The following TEX9 variants were observed in gnomAD, a reference collection of about 807,000 sequenced individuals.
The protein encoded by TEX9 is testis-expressed protein 9.
A neutral mutation model predicts 59.6 loss-of-function variants in TEX9; 74 were observed. The ratio of observed to expected loss-of-function variants is 1.24; its 90% CI spans 1.03 to 1.51. TEX9 has a LOEUF of 1.51. Among genes scored for constraint, TEX9 ranks in the 40% most tolerant of loss-of-function variants. The pLI is 0.00. For synonymous variants in TEX9, 186 were observed against 152.2 expected (o/e 1.22, Z -1.64); for missense variants, 522 against 447.8 (o/e 1.17, Z -1.49).
Position 56,435,837 on chromosome 15 carries a change from G to A in TEX9, c.*29+7364G>A, listed in dbSNP as rs537941512. The stretch of plus-strand genomic sequence containing the variant: ...CATTTTATGAAGATAGTATTACCCC[G>A]CTACCAATATAAAAAATTACAGACC... On this transcript the variant is annotated intron_variant, in intron 12 of 12. Coordinates refer to ENST00000352903, the Ensembl canonical transcript of TEX9. 5.9e-5 allele frequency among the ~76,000 whole-genome samples: 9 copies of A among 152,026 alleles called. No individual in the cohort carries two copies. In the South Asian group the frequency reaches 8.3e-4, roughly 14 times the overall value.
At chr15:56,260,462 A>G (rs2044239459) in intron 1 of TEX9, among the ~76,000 whole-genome samples, 1 of 152,084 alleles carries the variant, frequency 6.6e-6, no homozygotes, top group South Asian at 2.1e-4. Context: ...GCCTTTTTGC[A>G]TCTATTGAGG....
At chr15:56,327,989 A>G (rs146897222) in intron 1 of TEX9, among the ~76,000 whole-genome samples, 5 of 151,934 alleles carry the variant, frequency 3.3e-5, no homozygotes, top group Non-Finnish European at 5.9e-5. Context: ...CACACAAACT[A>G]CTGAGACACC....
At chr15:56,293,886 T>C (rs563901996) in intron 1 of TEX9, among the ~76,000 whole-genome samples, 1 of 152,356 alleles carries the variant, frequency 6.6e-6, no homozygotes, top group South Asian at 2.1e-4. Context: ...TTCCCTTGGA[T>C]TTATTAATCC....
intron 12 of TEX9, among the ~76,000 whole-genome samples, chr15:56,442,304 G>A (rs1268544035): frequency 2.6e-5 from 4 of 152,168 alleles, no homozygotes; most frequent in Non-Finnish European, 5.9e-5. Context: ...TTCAACCACT[G>A]TGAAAAGCAC....
At chr15:56,309,013 T>C (rs191712739) in intron 1 of TEX9, among the ~76,000 whole-genome samples, 70 of 152,316 alleles carry the variant, frequency 4.6e-4, no homozygotes, top group Non-Finnish European at 8.5e-4. Flanking sequence ...TTCAAGATTA[T>C]TTTGATTATT....
intron 10 of TEX9, among the ~76,000 whole-genome samples, chr15:56,423,546 T>C (rs573572482): frequency 1.7e-4 from 26 of 152,278 alleles, no homozygotes; most frequent in Non-Finnish European, 3.1e-4. Flanking sequence ...TCATATACCA[T>C]GCAACCCACT....
At position 56,384,974 on chromosome 15, in the gene TEX9, C is replaced by T. The variant is rs192906251; in HGVS notation, c.263+943C>T. Among the ~76,000 whole-genome samples the T allele has an allele frequency of 3.9e-5, 6 of 152,192 alleles. No homozygotes were observed. In the East Asian group the frequency reaches 1.2e-3, roughly 29 times the overall value. On this transcript the variant is annotated intron_variant, in intron 4 of 12. Transcript: ENST00000352903. ...TTACGACCATGATTTCTTTGAAGAG[C>T]TTTATGGTTTTAACTCTTAGATTCA... is the stretch of plus-strand genomic sequence containing the variant.
chr15:56,252,379 C>CTTTT (rs3050136), intron 1 of TEX9, among the ~76,000 whole-genome samples: 1,830 of 119,644 alleles, frequency 0.015, 79 homozygotes, highest in African/African-American at 0.04. Context: ...TTAGAAAAAC[C>CTTTT]TTTTTTTTTT....
At chr15:56,304,848 G>A (rs2045440586) in intron 1 of TEX9, among the ~76,000 whole-genome samples, 2 of 152,088 alleles carry the variant, frequency 1.3e-5, no homozygotes, top group African/African-American at 4.8e-5. Context: ...TCAGCCTCCT[G>A]AGTAGCTGAG....
Position 56,427,777 on chromosome 15 carries a change from G to GTAAC in TEX9, c.1098+40_1098+43dup, listed in dbSNP as rs772196520. 18 of 1,395,832 alleles carry GTAAC rather than the reference G, an allele frequency of 1.3e-5. No homozygotes were observed. The African/African-American group carries it at 2.1e-4, about 16-fold the overall frequency. 86.5% of individuals were successfully genotyped at this position (1,395,832 alleles called of 1,614,324 possible). On this transcript the variant is annotated intron_variant, in intron 11 of 12. Coordinates refer to ENST00000352903, the Ensembl canonical transcript of TEX9. ...TTAAAGTTAAATCATCATATTATTT[G>GTAAC]TAACTTTCTTACTAAAAAATTTAGC...
chr15:56,248,732 A>G (rs2141283686), intron 1 of TEX9: 1 of 152,358 alleles, frequency 6.6e-6, no homozygotes, highest in South Asian at 2.1e-4. Flanking sequence ...GAAATTTGAT[A>G]TCTTAGAAAT....
At chr15:56,356,857 G>C (rs1432245873) in intron 1 of TEX9, among the ~76,000 whole-genome samples, 4 of 152,104 alleles carry the variant, frequency 2.6e-5, no homozygotes, top group African/African-American at 9.7e-5. Flanking sequence ...TCACATGGTG[G>C]TGGTGGTGGC....
intron 12 of TEX9, chr15:56,429,916 A>T (rs1337872460): frequency 6.6e-6 from 1 of 152,186 alleles, no homozygotes; most frequent in Non-Finnish European, 1.5e-5. Flanking sequence ...CCAAAGAAAG[A>T]CATTCCTACA....
At chr15:56,318,844 C>A (rs2045837857) in intron 1 of TEX9, among the ~76,000 whole-genome samples, 1 of 152,030 alleles carries the variant, frequency 6.6e-6, no homozygotes, top group Non-Finnish European at 1.5e-5. Flanking sequence ...ATTATTGTCA[C>A]ACATGTCATT....
chr15:56,301,251 A>G (rs1457400430), intron 1 of TEX9, among the ~76,000 whole-genome samples: 1 of 152,214 alleles, frequency 6.6e-6, no homozygotes, highest in East Asian at 1.9e-4. Flanking sequence ...CAACAGCAGA[A>G]CTGGTGAAGC....
intron 9 of TEX9, among the ~76,000 whole-genome samples, chr15:56,404,782 C>G (rs571934145): frequency 1.3e-5 from 2 of 152,244 alleles, no homozygotes; most frequent in South Asian, 4.2e-4. Flanking sequence ...CACATATATA[C>G]CACGGAATAC....
At chr15:56,274,245 C>T (rs1437463530) in intron 1 of TEX9, among the ~76,000 whole-genome samples, 1 of 152,026 alleles carries the variant, frequency 6.6e-6, no homozygotes, top group Admixed American at 6.6e-5. Flanking sequence ...CACTGACTTT[C>T]CTTGATGTTT....
the TEX9 span, among the ~76,000 whole-genome samples, chr15:56,455,378 G>T: frequency 5.9e-5 from 9 of 151,880 alleles, no homozygotes; most frequent in African/African-American, 2.2e-4. Flanking sequence ...CTAAGGATCG[G>T]TAATCTCTTA....
At chr15:56,272,262 G>A (rs1481765806) in intron 1 of TEX9, among the ~76,000 whole-genome samples, 1 of 152,110 alleles carries the variant, frequency 6.6e-6, no homozygotes, top group Non-Finnish European at 1.5e-5. Flanking sequence ...GTACCTGTTG[G>A]TAGTTAATTC....
Sources: gnomAD v4.1 joint callset for allele counts (sites outside exome capture counted in the v4.1 genomes callset) on GRCh38, gnomAD v4.1.1 for gene constraint, MANE v1.5 for transcripts, NCBI Gene and HGNC (gene_info 2026-07-23, HGNC 2026-07-21) for gene names.